Variants in AMPH observed in about 807,000 individuals in gnomAD.
AMPH encodes the protein amphiphysin (Stiff-Mann syndrome with breast cancer 128kD autoantigen).
AMPH carries 49 observed loss-of-function variants against 99.1 expected under a neutral mutation model. The ratio of observed to expected loss-of-function variants is 0.49; its 90% CI spans 0.39 to 0.63. AMPH has a LOEUF of 0.63. Among genes scored for constraint, AMPH ranks in the 20% least tolerant of loss-of-function variants. The pLI is 0.00. For synonymous variants in AMPH, 314 were observed against 317.3 expected (o/e 0.99, Z 0.11); for missense variants, 759 against 863.4 (o/e 0.88, Z 1.52).
chr7:38,611,613 G>A (rs1391734910), intron 1 of AMPH, among the ~76,000 whole-genome samples: 1 of 152,200 alleles, frequency 6.6e-6, no homozygotes, highest in East Asian at 1.9e-4. Context: ...GCGGAAGGCA[G>A]AGCCACAGTA....
chr7:38,393,722 C>T (rs775229287), intron 18 of AMPH, among the ~76,000 whole-genome samples: 9 of 152,348 alleles, frequency 5.9e-5, no homozygotes, highest in Middle Eastern at 3.4e-3. Context: ...CACTGTCCTG[C>T]TTCATTCCTT....
chr7:38,473,917 T>TTTAA (rs1475060212), intron 7 of AMPH, among the ~76,000 whole-genome samples: 1 of 152,080 alleles, frequency 6.6e-6, no homozygotes, highest in Non-Finnish European at 1.5e-5. Context: ...ATTCAGGTTG[T>TTTAA]TTAAATCCTC....
At chr7:38,436,493 C>T in intron 11 of AMPH, 105 bp from the exon 12 acceptor site, 1 of 820,646 alleles carries the variant, frequency 1.2e-6, no homozygotes, top group South Asian at 1.6e-5. Context: ...TATTGAGTAT[C>T]TCCAAAACAC....
chr7:38,521,262 G>A (rs747176090), intron 2 of AMPH, among the ~76,000 whole-genome samples: 2 of 152,116 alleles, frequency 1.3e-5, no homozygotes, highest in Non-Finnish European at 2.9e-5. Flanking sequence ...GGCTCACACC[G>A]GTAATCCTAG....
At chr7:38,453,602 T>C (rs969089263) in intron 11 of AMPH, among the ~76,000 whole-genome samples, 3 of 152,228 alleles carry the variant, frequency 2.0e-5, no homozygotes, top group Non-Finnish European at 4.4e-5. Context: ...TCCTTACCTA[T>C]GAGCCAGCAA....
At chr7:38,609,176 G>A (rs965298045) in intron 1 of AMPH, among the ~76,000 whole-genome samples, 1 of 152,078 alleles carries the variant, frequency 6.6e-6, no homozygotes, top group Non-Finnish European at 1.5e-5. Flanking sequence ...GGATAAATAG[G>A]AACTGTTTTC....
chr7:38,417,693 C>T, intron 17 of AMPH, 132 bp downstream of exon 17: 1 of 1,199,082 alleles, frequency 8.3e-7, no homozygotes, highest in Non-Finnish European at 1.2e-6. Flanking sequence ...GCTATTTGAA[C>T]CTGGGAGCTA....
intron 1 of AMPH, among the ~76,000 whole-genome samples, chr7:38,628,704 A>C (rs1416163504): frequency 6.6e-6 from 1 of 152,244 alleles, no homozygotes; most frequent in Non-Finnish European, 1.5e-5. Context: ...GATACATATC[A>C]AATGGTAGTA....
rs183366778 is a variant in AMPH at position 38,549,139 on chromosome 7, T to A, written c.70-14128A>T. 5.8e-4 allele frequency among the ~76,000 whole-genome samples: 88 copies of A among 152,350 alleles called. 1 individual carries two copies. Among genetic ancestry groups the A allele is most frequent in the African/African-American group, 2.0e-3 (84 of 41,588 alleles). ...AGGGAAGCCTTGCTGAGGACTCCTT[T>A]ACCCTCACTATCTGCCTAAATAATT... On this transcript the variant is annotated intron_variant, in intron 1 of 20. Transcript: ENST00000356264.
At chr7:38,473,919 T>C (rs948893769) in intron 7 of AMPH, among the ~76,000 whole-genome samples, 5 of 152,098 alleles carry the variant, frequency 3.3e-5, no homozygotes, top group African/African-American at 1.2e-4. Flanking sequence ...TCAGGTTGTT[T>C]AAATCCTCTC....
intron 5 of AMPH, among the ~76,000 whole-genome samples, chr7:38,478,549 T>A (rs1312764526): frequency 6.6e-6 from 1 of 152,124 alleles, no homozygotes; most frequent in Non-Finnish European, 1.5e-5. Flanking sequence ...TGTCTGGCAT[T>A]CAATCAAAAA....
intron 1 of AMPH, among the ~76,000 whole-genome samples, chr7:38,612,517 T>G (rs185347054): frequency 2.2e-4 from 33 of 152,320 alleles, no homozygotes; most frequent in Admixed American, 1.8e-3. Flanking sequence ...CTAAACAGTT[T>G]TCTCAAAGGG....
At chr7:38,570,957 AATAT>A (rs1183322600) in intron 1 of AMPH, among the ~76,000 whole-genome samples, 1 of 71,888 alleles carries the variant, frequency 1.4e-5, no homozygotes, top group East Asian at 2.3e-4. Flanking sequence ...ATATATATAG[AATAT>A]ATATATAGAA....
intron 5 of AMPH, among the ~76,000 whole-genome samples, chr7:38,486,401 T>C (rs948629525): frequency 6.6e-6 from 1 of 151,672 alleles, no homozygotes; most frequent in Admixed American, 6.6e-5. Flanking sequence ...AATGGAAGGT[T>C]TGAACACATC....
rs182871257 is a variant in AMPH at position 38,578,415 on chromosome 7, G to A, written c.70-43404C>T. Among the ~76,000 whole-genome samples the A allele has an allele frequency of 4.3e-3, 653 of 152,220 alleles. 4 individuals carry two copies. The highest frequency in any genetic ancestry group is 0.015 in the African/African-American group (627 of 41,514). On this transcript the variant is annotated intron_variant, in intron 1 of 20. Transcript: ENST00000356264. ...TTTGGCTTATGCAAGTGATATGTTA[G>A]TATTTATCATATTAGATTTTAACGA...
At chr7:38,442,205 A>G (rs1157215582) in intron 11 of AMPH, among the ~76,000 whole-genome samples, 3 of 152,116 alleles carry the variant, frequency 2.0e-5, no homozygotes, top group Non-Finnish European at 4.4e-5. Context: ...CCATGACACA[A>G]GTTTATCTTA....
intron 2 of AMPH, among the ~76,000 whole-genome samples, chr7:38,520,929 C>A (rs1428339000): frequency 6.6e-6 from 1 of 152,192 alleles, no homozygotes; most frequent in East Asian, 1.9e-4. Flanking sequence ...TAATTCAAAT[C>A]AGCCTCCTTA....
Position 38,538,573 on chromosome 7 carries a change from G to C in AMPH, c.70-3562C>G, listed in dbSNP as rs947143066. On this transcript the variant is annotated intron_variant, in intron 1 of 20. Transcript: ENST00000356264. ...GTGTTTCTCTGGAGGAAGCCACATGGAGAGGTCTGCACTCCTTGGTGACAA... is the reference window on the plus strand; with the variant it reads ...GTGTTTCTCTGGAGGAAGCCACATGCAGAGGTCTGCACTCCTTGGTGACAA... 4.6e-5 allele frequency among the ~76,000 whole-genome samples: 7 copies of C among 152,228 alleles called. No homozygotes were observed. The South Asian group carries it at 6.2e-4, about 13-fold the overall frequency.
chr7:38,489,554 C>T (rs1011266552), intron 5 of AMPH, among the ~76,000 whole-genome samples: 1 of 152,052 alleles, frequency 6.6e-6, no homozygotes, highest in Non-Finnish European at 1.5e-5. Context: ...AGCTTCTGCT[C>T]AGCAAAAGAA....
Sources: gnomAD v4.1 joint callset for allele counts (sites outside exome capture counted in the v4.1 genomes callset) on GRCh38, gnomAD v4.1.1 for gene constraint, MANE v1.5 for transcripts, NCBI Gene and HGNC (gene_info 2026-07-23, HGNC 2026-07-21) for gene names.